Variants in EVI5 observed in about 807,000 individuals in gnomAD.
The protein encoded by EVI5 is ecotropic viral integration site 5.
EVI5 carries 73 observed loss-of-function variants against 112.0 expected under a neutral mutation model. The observed-to-expected ratio is 0.65, with a 90% CI of 0.54 to 0.79. The LOEUF (loss-of-function observed/expected upper bound fraction) is 0.79, where lower values mean the gene tolerates loss of function less well. Ranked by LOEUF, EVI5 falls within the 30% of genes least tolerant of loss-of-function variation. The pLI is 0.00. For synonymous variants in EVI5, 305 were observed against 319.9 expected, an observed-to-expected ratio of 0.95 and a Z score of 0.50; for missense variants, 900 against 968.8, an observed-to-expected ratio of 0.93 and a Z score of 0.94.
chr1:92,756,277 A>G (rs938711885), intron 1 of EVI5: 1 of 453,042 alleles, frequency 2.2e-6, no homozygotes, highest in Admixed American at 2.5e-5. Context: ...TTCTCTCTGA[A>G]GTAGTACACA....
intron 13 of EVI5, among the ~76,000 whole-genome samples, chr1:92,660,803 G>A (rs1249920631): frequency 6.6e-6 from 1 of 151,972 alleles, no homozygotes; most frequent in Non-Finnish European, 1.5e-5. Flanking sequence ...AGGTTGCTGG[G>A]GTTGGGGGGT....
chr1:92,702,224 T>C lies in EVI5; in HGVS notation c.565-9A>G. The C allele has an allele frequency of 1.4e-6, 2 of 1,481,186 alleles. No individual in the cohort carries two copies. Among genetic ancestry groups the C allele is most frequent in the Non-Finnish European group, 9.0e-7 (1 of 1,105,400 alleles). 91.8% of individuals were successfully genotyped at this position (1,481,186 alleles called of 1,614,324 possible). A position where few individuals can be genotyped will look rare whatever the true frequency, so the allele number is the denominator to read the frequency against. On this transcript the variant is annotated splice_polypyrimidine_tract_variant and intron_variant, in intron 4 of 19. Transcript: ENST00000684568. ...TCTACTAAAGAGTAAGCCTAAAAAG[T>C]AAAAAAAAGTTGTTCAAAATACATG...
At chr1:92,762,280 A>G (rs1681995571) in intron 1 of EVI5, among the ~76,000 whole-genome samples, 1 of 152,218 alleles carries the variant, frequency 6.6e-6, no homozygotes, top group African/African-American at 2.4e-5. Flanking sequence ...GAAACAAAAC[A>G]TGTACACAAT....
chr1:92,588,437 A>T (rs1205359464), intron 18 of EVI5, among the ~76,000 whole-genome samples: 1 of 152,122 alleles, frequency 6.6e-6, no homozygotes, highest in African/African-American at 2.4e-5. Flanking sequence ...TCTTCCCCCA[A>T]ATCTTCATGC....
intron 5 of EVI5, among the ~76,000 whole-genome samples, chr1:92,700,197 C>T (rs994294875): frequency 1.3e-5 from 2 of 152,282 alleles, no homozygotes; most frequent in Non-Finnish European, 2.9e-5. Flanking sequence ...ACATAACTTT[C>T]TCTGTGACTC....
At chr1:92,730,951 C>G (rs1386351097) in intron 2 of EVI5, among the ~76,000 whole-genome samples, 1 of 151,978 alleles carries the variant, frequency 6.6e-6, no homozygotes, top group African/African-American at 2.4e-5. Flanking sequence ...CTAATGGAAT[C>G]TAGACAAAAA....
intron 19 of EVI5, among the ~76,000 whole-genome samples, chr1:92,519,972 A>G (rs1660618873): frequency 1.3e-5 from 2 of 151,926 alleles, no homozygotes; most frequent in African/African-American, 4.8e-5. Flanking sequence ...ATTCCATTAT[A>G]TGAAATGTCC....
intron 18 of EVI5, among the ~76,000 whole-genome samples, chr1:92,573,098 A>G (rs1670557888): frequency 6.6e-6 from 1 of 152,146 alleles, no homozygotes; most frequent in Admixed American, 6.5e-5. Context: ...GGCTAAGGAA[A>G]TGAATATAGT....
intron 18 of EVI5, among the ~76,000 whole-genome samples, chr1:92,596,827 T>C (rs907272472): frequency 6.6e-6 from 1 of 152,170 alleles, no homozygotes; most frequent in African/African-American, 2.4e-5. Flanking sequence ...GTATCTGAGG[T>C]TGTTAAAGAC....
upstream of EVI5, among the ~76,000 whole-genome samples, chr1:92,789,630 A>G (rs1685939748): frequency 6.6e-6 from 1 of 152,132 alleles, no homozygotes; most frequent in Non-Finnish European, 1.5e-5. Flanking sequence ...CGGTAAATTC[A>G]GTGAGCAATT....
At chr1:92,688,844 TCCAA>T (rs2102424737) in intron 9 of EVI5, among the ~76,000 whole-genome samples, 1 of 152,190 alleles carries the variant, frequency 6.6e-6, no homozygotes, top group East Asian at 1.9e-4. Flanking sequence ...GCTGCTACCC[TCCAA>T]CCAACAGGAA....
chr1:92,746,171 A>T (rs4525050), intron 1 of EVI5, among the ~76,000 whole-genome samples: 139,994 of 152,300 alleles, frequency 0.92, 64,420 homozygotes, highest in East Asian at 0.97. Flanking sequence ...TTTCTGTCCA[A>T]AAATGCTGCT....
intron 5 of EVI5, among the ~76,000 whole-genome samples, chr1:92,700,182 C>T (rs1433045761): frequency 6.6e-6 from 1 of 152,182 alleles, no homozygotes; most frequent in East Asian, 1.9e-4. Context: ...GAGCAATGTG[C>T]TGCTACATAA....
At chr1:92,649,000 T>C (rs1359998575) in intron 13 of EVI5, among the ~76,000 whole-genome samples, 1 of 152,214 alleles carries the variant, frequency 6.6e-6, no homozygotes, top group Non-Finnish European at 1.5e-5. Context: ...CAAAAAGAAA[T>C]GTATGAGGGT....
chr1:92,776,780 T>G (rs1351323874), intron 1 of EVI5, among the ~76,000 whole-genome samples: 4 of 150,358 alleles, frequency 2.7e-5, no homozygotes, highest in Non-Finnish European at 5.9e-5. Context: ...GGACTACAGG[T>G]GCACACCACC....
In EVI5 at chr1:92,655,756, T is replaced by C. The variant is rs184000371; in HGVS notation, c.1392+6963A>G. Among the ~76,000 whole-genome samples, 266 of 152,202 alleles carry C rather than the reference T, an allele frequency of 1.7e-3. 1 individual carries two copies. The highest frequency in any genetic ancestry group is 5.9e-3 in the African/African-American group (243 of 41,532). ...AGGTCATTTTAAAATGATAACGGGA[T>C]AAAGTCAACGGGAAGATGTAACAAT... On this transcript the variant is annotated intron_variant, in intron 13 of 19. Coordinates refer to ENST00000684568, the MANE Select transcript of EVI5 (RefSeq NM_001350197.2).
intron 13 of EVI5, among the ~76,000 whole-genome samples, chr1:92,651,677 C>T (rs1328917381): frequency 7.4e-6 from 1 of 135,880 alleles, no homozygotes; most frequent in Admixed American, 7.6e-5. Context: ...CGGTGAAACC[C>T]CGTCTCTATT....
At chr1:92,564,469 T>C (rs1427471289) in intron 18 of EVI5, among the ~76,000 whole-genome samples, 2 of 152,030 alleles carry the variant, frequency 1.3e-5, no homozygotes, top group Non-Finnish European at 2.9e-5. Flanking sequence ...CAAATCACTC[T>C]AAAAAGGGGA....
chr1:92,622,277 T>A (rs1280827910), intron 16 of EVI5: 1 of 429,696 alleles, frequency 2.3e-6, no homozygotes, highest in Non-Finnish European at 4.6e-6. Context: ...TCCTTTGCAA[T>A]CCTTTGTACT....
Sources: gnomAD v4.1 joint callset for allele counts (sites outside exome capture counted in the v4.1 genomes callset) on GRCh38, gnomAD v4.1.1 for gene constraint, MANE v1.5 for transcripts, NCBI Gene and HGNC (gene_info 2026-07-23, HGNC 2026-07-21) for gene names.